SPAG17: variants seen among roughly 807,000 people sequenced by gnomAD.
SPAG17 encodes the protein sperm-associated antigen 17.
In SPAG17, 169 loss-of-function variants were observed where a neutral mutation model predicts 273.6. The observed-to-expected ratio is 0.62, with a 90% CI of 0.55 to 0.70. The LOEUF is 0.70. Among genes scored for constraint, SPAG17 ranks in the 30% least tolerant of loss-of-function variants. The probability of loss-of-function intolerance (pLI) is 0.00; values close to 1 mark genes in which losing one functional copy is unlikely to be tolerated. For synonymous variants in SPAG17, 825 were observed against 873.2 expected (o/e 0.94, Z 0.97); for missense variants, 2,557 against 2,627.8 (o/e 0.97, Z 0.59).
At chr1:118,039,662 A>G (rs1281005509) in intron 22 of SPAG17, among the ~76,000 whole-genome samples, 1 of 152,162 alleles carries the variant, frequency 6.6e-6, no homozygotes, top group Non-Finnish European at 1.5e-5. Context: ...GAGGAGGGTG[A>G]GGACCAAAAA....
In SPAG17 at chr1:118,040,774, G is replaced by T; in HGVS notation, c.3122C>A (p.Ser1041Tyr). ...ISGSNYYLYPSDGGQIEVEKT... is the reference protein window; with the variant it reads ...ISGSNYYLYPYDGGQIEVEKT... Reference sequence around the variant, plus strand: ...TTCCACTTCAATCTGCCCCCCATCAGAAGGATACAGGTAGTAATTTGACCC... The same window carrying T: ...TTCCACTTCAATCTGCCCCCCATCATAAGGATACAGGTAGTAATTTGACCC... The change falls in exon 22 of 49, where the codon TCT (serine) becomes TAT (tyrosine). Residue 1041 changes from serine to tyrosine, a missense_variant. By Grantham distance (144) the Ser-to-Tyr change is moderately radical. Transcript: ENST00000336338. 6.2e-7 allele frequency: 1 copy of T among 1,606,926 alleles called. No homozygotes were observed. Among genetic ancestry groups the T allele is most frequent in the South Asian group, 1.1e-5 (1 of 90,938 alleles).
intron 47 of SPAG17, 30 bp downstream of exon 47, chr1:117,966,579 T>C (rs1653878900): frequency 6.3e-7 from 1 of 1,579,328 alleles, no homozygotes; most frequent in Non-Finnish European, 8.6e-7. Flanking sequence ...GCACTATATA[T>C]GATTACTCAA....
intron 1 of SPAG17, among the ~76,000 whole-genome samples, chr1:118,169,081 A>G (rs181102234): frequency 1.3e-5 from 2 of 152,190 alleles, no homozygotes; most frequent in East Asian, 3.9e-4. Context: ...CTTAACTAAC[A>G]TTTTCCTAGG....
chr1:117,963,644 G>C (rs1653412850), intron 48 of SPAG17, 155 bp downstream of exon 48: 1 of 602,832 alleles, frequency 1.7e-6, no homozygotes, highest in African/African-American at 1.9e-5. Flanking sequence ...GATTACAGGT[G>C]TGAGCCACCG....
intron 3 of SPAG17, among the ~76,000 whole-genome samples, chr1:118,134,710 T>C (rs1350457812): frequency 2.6e-5 from 4 of 152,186 alleles, no homozygotes; most frequent in African/African-American, 9.7e-5. Flanking sequence ...TGATTTGTCC[T>C]TGAGCCACCT....
intron 20 of SPAG17, among the ~76,000 whole-genome samples, chr1:118,049,393 T>C (rs1291731547): frequency 6.6e-6 from 1 of 152,242 alleles, no homozygotes; most frequent in African/African-American, 2.4e-5. Flanking sequence ...GTGTGATTTA[T>C]TCCTGGGATG....
intron 1 of SPAG17, among the ~76,000 whole-genome samples, chr1:118,178,944 G>A (rs1660815702): frequency 6.6e-6 from 1 of 151,904 alleles, no homozygotes; most frequent in Non-Finnish European, 1.5e-5. Flanking sequence ...TGATGTAAGA[G>A]ATTGAAGAGG....
chr1:118,101,961 A>G, intron 4 of SPAG17, 35 bp from the exon 5 acceptor site: 1 of 1,569,778 alleles, frequency 6.4e-7, no homozygotes, highest in Non-Finnish European at 8.7e-7. Context: ...TCCAAATCAA[A>G]CAGTGAGCAA....
chr1:117,963,273 G>A (rs1653347491), intron 48 of SPAG17: 1 of 152,092 alleles, frequency 6.6e-6, no homozygotes, highest in Non-Finnish European at 1.5e-5. Flanking sequence ...TCCAAGATTA[G>A]GGTATAAAGC....
intron 17 of SPAG17, among the ~76,000 whole-genome samples, chr1:118,068,596 T>C (rs1321118098): frequency 6.6e-6 from 1 of 152,226 alleles, no homozygotes; most frequent in Non-Finnish European, 1.5e-5. Context: ...TTTCATATCT[T>C]ATTTTCCCCT....
At chr1:118,023,575 G>T (rs927552689) in intron 27 of SPAG17, 112 bp from the exon 28 acceptor site, 7 of 1,024,408 alleles carry the variant, frequency 6.8e-6, no homozygotes, top group Non-Finnish European at 8.2e-6. Context: ...CAGAAGAAAT[G>T]CTGTTTGCAG....
intron 17 of SPAG17, among the ~76,000 whole-genome samples, chr1:118,071,741 C>T (rs950447875): frequency 2.0e-5 from 3 of 151,508 alleles, no homozygotes; most frequent in African/African-American, 7.3e-5. Context: ...GAATAAAGGG[C>T]TCAATATAAG....
chr1:118,012,733 G>T (rs1479384873), intron 29 of SPAG17, among the ~76,000 whole-genome samples: 2 of 152,214 alleles, frequency 1.3e-5, no homozygotes, highest in Non-Finnish European at 2.9e-5. Context: ...GATAAATGCG[G>T]CATATTGTGG....
intron 46 of SPAG17, 100 bp downstream of exon 46, chr1:117,969,956 G>A: frequency 1.9e-6 from 2 of 1,046,490 alleles, no homozygotes; most frequent in South Asian, 2.8e-5. Flanking sequence ...TAGTTTAAAA[G>A]GAATGGGCAG....
rs774826095 is a variant in SPAG17, at chr1:118,008,124, C to A, written c.4507G>T (p.Ala1503Ser). 6.2e-7 allele frequency: 1 copy of A among 1,614,030 alleles called. No individual in the cohort carries two copies. Among genetic ancestry groups the A allele is most frequent in the South Asian group, 1.1e-5 (1 of 91,078 alleles). ...VESSRYATVI[A>S]NCEDSSCCAT... Reference sequence around the variant, plus strand: ...CAGCAGCTACTGTCCTCACAGTTGGCGATAACAGTGGCATAGCGTGAGCTT... The same window carrying A: ...CAGCAGCTACTGTCCTCACAGTTGGAGATAACAGTGGCATAGCGTGAGCTT... Residue 1503 changes from alanine to serine, a missense_variant, in exon 31 of 49, where the codon GCC becomes TCC. By Grantham distance (99) the Ala-to-Ser change is moderately conservative. Coordinates refer to ENST00000336338, the MANE Select transcript of SPAG17 (RefSeq NM_206996.4).
At chr1:118,024,056 A>G (rs1440214172) in intron 27 of SPAG17, among the ~76,000 whole-genome samples, 2 of 152,172 alleles carry the variant, frequency 1.3e-5, no homozygotes, top group African/African-American at 4.8e-5. Context: ...GGGATTGTCT[A>G]TCTGTGCAGT....
At chr1:118,055,952 T>C (rs759273369) in intron 18 of SPAG17, 38 bp from the exon 19 acceptor site, 4 of 1,516,024 alleles carry the variant, frequency 2.6e-6, no homozygotes, top group Non-Finnish European at 3.6e-6. Flanking sequence ...TGAGTTACTA[T>C]GAAAGTCAAT....
chr1:117,991,614 C>A, intron 36 of SPAG17, 86 bp from the exon 37 acceptor site: 6 of 782,090 alleles, frequency 7.7e-6, no homozygotes, highest in Admixed American at 5.3e-5. Flanking sequence ...TGAAATATTA[C>A]AAAAAATGAA....
intron 20 of SPAG17, among the ~76,000 whole-genome samples, chr1:118,049,223 G>A (rs1204325603): frequency 1.3e-5 from 2 of 152,156 alleles, no homozygotes; most frequent in African/African-American, 4.8e-5. Flanking sequence ...CCCATTTTAT[G>A]AGGCCAACAT....
Sources: allele counts gnomAD v4.1 joint callset (sites outside exome capture counted in the v4.1 genomes callset), GRCh38; gene constraint gnomAD v4.1.1; transcripts MANE v1.5; gene names NCBI Gene and HGNC (gene_info 2026-07-23, HGNC 2026-07-21).